Variants in MBOAT1 observed in about 807,000 individuals in gnomAD.
The protein encoded by MBOAT1 is membrane bound glycerophospholipid O-acyltransferase 1, also known as membrane-bound glycerophospholipid O-acyltransferase 1.
MBOAT1 carries 67 observed loss-of-function variants against 64.4 expected under a neutral mutation model. The observed-to-expected ratio is 1.04, with a 90% CI of 0.85 to 1.27. The LOEUF (loss-of-function observed/expected upper bound fraction) is 1.27. MBOAT1 is among the 50% of genes most tolerant of loss of function. The pLI is 0.00. For missense variants in MBOAT1, 563 were observed against 604.6 expected (o/e 0.93, Z 0.72); for synonymous variants, 229 against 218.9 (o/e 1.05, Z -0.41).
intron 1 of MBOAT1, among the ~76,000 whole-genome samples, chr6:20,163,587 T>A (rs1047366558): frequency 6.6e-6 from 1 of 152,122 alleles, no homozygotes; most frequent in Non-Finnish European, 1.5e-5. Flanking sequence ...TGGAATTTAA[T>A]CTCAGGGAGT....
chr6:20,113,026 A>T lies in MBOAT1; in HGVS notation c.1077-18T>A. The T allele has an allele frequency of 6.2e-7, 1 of 1,609,928 alleles. No homozygotes were observed. Among genetic ancestry groups the T allele is most frequent in the Non-Finnish European group, 8.5e-7 (1 of 1,178,486 alleles). ...AGCACACACTGTGAAGAGAGGAAGG[A>T]ACAAGACACAGGTGAAACATACCAG... is the stretch of plus-strand genomic sequence containing the variant. On this transcript the variant is annotated intron_variant, in intron 10 of 12. Transcript: ENST00000324607.
At chr6:20,160,696 T>G (rs1223111529) in intron 1 of MBOAT1, among the ~76,000 whole-genome samples, 1 of 152,208 alleles carries the variant, frequency 6.6e-6, no homozygotes, top group Admixed American at 6.5e-5. Context: ...AGTACTCTTT[T>G]GCATTGCCCC....
intron 1 of MBOAT1, among the ~76,000 whole-genome samples, chr6:20,161,976 T>G (rs569273721): frequency 1.3e-5 from 2 of 152,174 alleles, no homozygotes; most frequent in Non-Finnish European, 2.9e-5. Context: ...TGGTTTCTTC[T>G]GAGACCTCTG....
At chr6:20,115,880 A>C (rs1760303496) in intron 9 of MBOAT1, among the ~76,000 whole-genome samples, 1 of 152,128 alleles carries the variant, frequency 6.6e-6, no homozygotes, top group African/African-American at 2.4e-5. Flanking sequence ...TTATGCATGA[A>C]GGCATCACAG....
intron 1 of MBOAT1, among the ~76,000 whole-genome samples, chr6:20,202,351 C>CGTTTTGTTTTGTTTT (rs57845369): frequency 0.034 from 5,116 of 151,552 alleles, 104 homozygotes; most frequent in Non-Finnish European, 0.054. Context: ...CCCTGGTTTT[C>CGTTTTGTTTTGTTTT]GTTTTGTTTT....
intron 12 of MBOAT1, among the ~76,000 whole-genome samples, chr6:20,106,582 C>G (rs562818731): frequency 3.1e-4 from 47 of 152,296 alleles, no homozygotes; most frequent in African/African-American, 6.0e-4. Context: ...GCCACCATGC[C>G]CAGCTACTTT....
At chr6:20,154,272 C>T (rs756175923) in intron 1 of MBOAT1, among the ~76,000 whole-genome samples, 19 of 152,198 alleles carry the variant, frequency 1.2e-4, no homozygotes, top group Non-Finnish European at 2.2e-4. Flanking sequence ...TGGCTCACGC[C>T]TGTAATCCCA....
chr6:20,143,461 T>C (rs945186256), intron 4 of MBOAT1, among the ~76,000 whole-genome samples: 3 of 152,162 alleles, frequency 2.0e-5, no homozygotes, highest in African/African-American at 4.8e-5. Flanking sequence ...TAGGTACTTA[T>C]CAGCTAGTAT....
In MBOAT1 at chr6:20,137,621, T is replaced by A. The variant is rs569507992; in HGVS notation, c.420-6422A>T. The stretch of plus-strand genomic sequence containing the variant: ...TTGTTTCCCTTACCATTAATTCCAG[T>A]CCAGTCCATGAAAACTTGATTACTC... On this transcript the variant is annotated intron_variant, in intron 4 of 12. Coordinates refer to ENST00000324607, the MANE Select transcript of MBOAT1 (RefSeq NM_001080480.3). 3.0e-4 allele frequency among the ~76,000 whole-genome samples: 45 copies of A among 152,214 alleles called. 1 individual carries two copies. The South Asian group carries it at 5.8e-3, about 20-fold the overall frequency.
At chr6:20,152,387 TAA>T (rs954977702) in intron 2 of MBOAT1, among the ~76,000 whole-genome samples, 3 of 33,436 alleles carry the variant, frequency 9.0e-5, no homozygotes, top group African/African-American at 2.8e-4. Context: ...ATTAATTAAT[TAA>T]AAAAAAGAAA....
At chr6:20,119,015 TA>T (rs1206910183) in intron 8 of MBOAT1, among the ~76,000 whole-genome samples, 2 of 152,122 alleles carry the variant, frequency 1.3e-5, no homozygotes, top group African/African-American at 4.8e-5. Context: ...GAGGCAGTGC[TA>T]AATCAGGAGG....
Position 20,101,066 on chromosome 6 carries a change from A to T in MBOAT1, c.*1220T>A, listed in dbSNP as rs1185864526. ...CATGTGTACATCACGGCCAGCCATG[A>T]TCATTAACACCTCCATGAAATGAGG... On this transcript the variant is annotated 3_prime_UTR_variant, in exon 13 of 13. Coordinates refer to ENST00000324607, the MANE Select transcript of MBOAT1 (RefSeq NM_001080480.3). Among the ~76,000 whole-genome samples the T allele has an allele frequency of 3.3e-5, 5 of 152,310 alleles. No individual in the cohort carries two copies. The East Asian group carries it at 9.7e-4, about 29-fold the overall frequency.
At chr6:20,107,383 C>T (rs58324162) in intron 12 of MBOAT1, among the ~76,000 whole-genome samples, 7 of 151,774 alleles carry the variant, frequency 4.6e-5, no homozygotes, top group African/African-American at 1.7e-4. Flanking sequence ...GCCCACAATG[C>T]CCTCCTTGCC....
intron 4 of MBOAT1, 36 bp downstream of exon 4, chr6:20,144,184 G>T (rs1240406892): frequency 7.3e-7 from 1 of 1,376,094 alleles, no homozygotes; most frequent in South Asian, 1.2e-5. Flanking sequence ...GTCAAAGTCA[G>T]CAGTAAAACC....
intron 1 of MBOAT1, among the ~76,000 whole-genome samples, chr6:20,197,455 GAC>G (rs1460594588): frequency 2.0e-5 from 3 of 152,140 alleles, no homozygotes; most frequent in Non-Finnish European, 4.4e-5. Context: ...CTGCCCACGT[GAC>G]ACAAATGCAT....
Position 20,160,618 on chromosome 6 carries a change from G to A in MBOAT1, c.100-7849C>T, listed in dbSNP as rs115635414. Among the ~76,000 whole-genome samples, 1,385 of 152,270 alleles carry A rather than the reference G, an allele frequency of 9.1e-3. 19 individuals are homozygous for A. Among genetic ancestry groups the A allele is most frequent in the African/African-American group, 0.03 (1,252 of 41,542 alleles). ...AACATTCGGCAACACTGCCTTACAC[G>A]CTCCAAGGCAAAACCAATCAAGTTA... On this transcript the variant is annotated intron_variant, in intron 1 of 12. Transcript: ENST00000324607.
At chr6:20,141,974 C>G (rs145807383) in intron 4 of MBOAT1, among the ~76,000 whole-genome samples, 2 of 152,252 alleles carry the variant, frequency 1.3e-5, no homozygotes, top group Non-Finnish European at 2.9e-5. Context: ...CCTGGAATAT[C>G]CTTCCTCCTG....
At chr6:20,203,599 C>A (rs1361687895) in intron 1 of MBOAT1, among the ~76,000 whole-genome samples, 1 of 152,114 alleles carries the variant, frequency 6.6e-6, no homozygotes, top group East Asian at 1.9e-4. Context: ...TTCAATTCAA[C>A]AAACATGTAT....
chr6:20,102,323 T>C lies in MBOAT1; in HGVS notation c.1451A>G (p.Gln484Arg). 8 of 1,614,146 alleles carry C rather than the reference T, an allele frequency of 5.0e-6. No homozygotes were observed. The highest frequency in any genetic ancestry group is 6.8e-6 in the Non-Finnish European group (8 of 1,179,994). Residue 484 changes from glutamine to arginine, a missense_variant, in exon 13 of 13, where the codon CAG becomes CGG. By Grantham distance (43) the Gln-to-Arg change is conservative. Transcript: ENST00000324607. The part of the protein sequence containing the change: ...KPQAHTQRRP[Q>R]TLNSINKRKT... ...TCTCTTATTAATAGAGTTCAGAGTC[T>C]GAGGCCGCCTTTGCGTATGAGCTTG...
Sources: gnomAD v4.1 joint callset for allele counts (sites outside exome capture counted in the v4.1 genomes callset) on GRCh38, gnomAD v4.1.1 for gene constraint, MANE v1.5 for transcripts, NCBI Gene and HGNC (gene_info 2026-07-23, HGNC 2026-07-21) for gene names.